The following SLCO5A1 variants were observed in gnomAD, a reference collection of about 807,000 sequenced individuals.
SLCO5A1 encodes organic anion transporter polypeptide-related protein 4.
Under a neutral mutation model 65.1 loss-of-function variants are expected in SLCO5A1, and 39 were observed. The ratio of observed to expected loss-of-function variants is 0.60; its 90% confidence interval spans 0.46 to 0.78. The LOEUF (loss-of-function observed/expected upper bound fraction) is 0.78, where lower values mean the gene tolerates loss of function less well. SLCO5A1 is among the 30% of genes least tolerant of loss of function. The pLI, the probability that SLCO5A1 is intolerant of heterozygous loss-of-function variation, is 0.00. For missense variants in SLCO5A1, 1,029 were observed against 1,069.4 expected (o/e 0.96, Z 0.53); for synonymous variants, 438 against 415.7 (o/e 1.05, Z -0.65).
rs112198401 is a variant in SLCO5A1, at chr8:69,682,116, G to T, written c.1782+68C>A. The T allele has an allele frequency of 1.2e-3, 1,768 of 1,505,730 alleles. 29 individuals carry two copies. The African/African-American group carries it at 0.021, about 18-fold the overall frequency. 93.3% of individuals were successfully genotyped at this position (1,505,730 alleles called of 1,614,324 possible). On this transcript the variant is annotated intron_variant, in intron 7 of 9. Coordinates refer to ENST00000260126, the MANE Select transcript of SLCO5A1 (RefSeq NM_030958.3). ...AGACTGAAGTCATTGTAGCTGCATA[G>T]GAATTTCATCACATCCTTGTCACAG... is the stretch of plus-strand genomic sequence containing the variant.
At chr8:69,764,944 C>T (rs931932234) in intron 2 of SLCO5A1, among the ~76,000 whole-genome samples, 1 of 152,176 alleles carries the variant, frequency 6.6e-6, no homozygotes, top group Non-Finnish European at 1.5e-5. Context: ...AGGATGTGTA[C>T]AGGCCAGACA....
intron 2 of SLCO5A1, among the ~76,000 whole-genome samples, chr8:69,830,866 G>A (rs1473329069): frequency 6.6e-6 from 1 of 152,160 alleles, no homozygotes; most frequent in Non-Finnish European, 1.5e-5. Context: ...ACAATTGAGG[G>A]TTTTTGACAG....
chr8:69,673,089 G>C lies in SLCO5A1; in HGVS notation c.2327C>G (p.Pro776Arg), dbSNP rs201712813. Residue 776 changes from proline to arginine, a missense_variant, in exon 10 of 10, where the codon CCC (proline) becomes CGC (arginine). Transcript: ENST00000260126. ...GLQRRRQREF[P>R]LSTVSERVGH... The stretch of plus-strand genomic sequence containing the variant: ...CACTCTCTCACTCACGGTGCTCAGG[G>C]GAAATTCTCTCTGCCTCCGCCTCTG... 9.3e-6 allele frequency: 15 copies of C among 1,614,220 alleles called. No individual in the cohort carries two copies. Among genetic ancestry groups the C allele is most frequent in the Non-Finnish European group, 1.3e-5 (15 of 1,180,038 alleles).
intron 2 of SLCO5A1, among the ~76,000 whole-genome samples, chr8:69,792,176 C>T (rs946501748): frequency 6.6e-6 from 1 of 152,030 alleles, no homozygotes; most frequent in Non-Finnish European, 1.5e-5. Flanking sequence ...TAGATTAATA[C>T]CATTTCAACA....
At chr8:69,804,668 T>G (rs1819914061) in intron 2 of SLCO5A1, among the ~76,000 whole-genome samples, 1 of 152,116 alleles carries the variant, frequency 6.6e-6, no homozygotes, top group Non-Finnish European at 1.5e-5. Context: ...TATTAGTATT[T>G]TTGTATGCCT....
intron 2 of SLCO5A1, among the ~76,000 whole-genome samples, chr8:69,802,846 A>G (rs1819810009): frequency 6.6e-6 from 1 of 152,208 alleles, no homozygotes; most frequent in South Asian, 2.1e-4. Flanking sequence ...GACAAACATT[A>G]CATGATATAT....
At chr8:69,833,459 T>G (rs1821272123) in intron 1 of SLCO5A1, 1 of 152,284 alleles carries the variant, frequency 6.6e-6, no homozygotes, top group South Asian at 2.1e-4. Context: ...TGTTAATAAT[T>G]ATCAACCTGG....
At chr8:69,778,232 T>G (rs924472596) in intron 2 of SLCO5A1, among the ~76,000 whole-genome samples, 2 of 137,696 alleles carry the variant, frequency 1.5e-5, no homozygotes, top group East Asian at 2.0e-4. Context: ...GTATGGGGTG[T>G]GTGTGTGTGT....
intron 6 of SLCO5A1, among the ~76,000 whole-genome samples, chr8:69,685,207 T>C (rs1037670493): frequency 2.6e-5 from 4 of 152,258 alleles, no homozygotes; most frequent in African/African-American, 9.6e-5. Flanking sequence ...TGGTTCATCC[T>C]TTACACTGTG....
Position 69,705,023 on chromosome 8 carries a change from G to A in SLCO5A1, c.1622+8C>T, listed in dbSNP as rs752509351. 3.7e-6 allele frequency: 6 copies of A among 1,608,402 alleles called. No homozygotes were observed. The highest frequency in any genetic ancestry group is 5.1e-6 in the Non-Finnish European group (6 of 1,179,274). On this transcript the variant is annotated splice_region_variant and intron_variant, in intron 6 of 9. Transcript: ENST00000260126. ...GCAGACACGACACGGCTCTTAAGAG[G>A]TACTTACCCTGTTGTATAAGGGATG... is the stretch of plus-strand genomic sequence containing the variant.
At chr8:69,785,423 C>A (rs1028224461) in intron 2 of SLCO5A1, among the ~76,000 whole-genome samples, 1 of 152,094 alleles carries the variant, frequency 6.6e-6, no homozygotes, top group Non-Finnish European at 1.5e-5. Flanking sequence ...TAATTATTGA[C>A]ATAAGTTATT....
At chr8:69,739,621 A>G (rs1816712037) in intron 4 of SLCO5A1, among the ~76,000 whole-genome samples, 2 of 152,184 alleles carry the variant, frequency 1.3e-5, no homozygotes, top group Admixed American at 6.5e-5. Flanking sequence ...TGAAACTTAG[A>G]AAGTTAAGAC....
rs199835459 is a variant in SLCO5A1, at chr8:69,827,314, GA to G, written c.907+4452del. On this transcript the variant is annotated intron_variant, in intron 2 of 9. Transcript: ENST00000260126. ...AAGTATAATAATATTTAAAAAAAGA[GA>G]AAAAAAAATTATAGTCTAGTTGCTA... 9.9e-3 allele frequency among the ~76,000 whole-genome samples: 1,502 copies of G among 151,186 alleles called. 21 individuals are homozygous for G. Among genetic ancestry groups the G allele is most frequent in the African/African-American group, 0.033 (1,369 of 41,232 alleles).
At chr8:69,762,556 C>G (rs1228336258) in intron 2 of SLCO5A1, among the ~76,000 whole-genome samples, 1 of 151,866 alleles carries the variant, frequency 6.6e-6, no homozygotes, top group Non-Finnish European at 1.5e-5. Context: ...AATAGAGACC[C>G]AGGCTAGTTA....
chr8:69,787,483 C>G (rs1819081811), intron 2 of SLCO5A1, among the ~76,000 whole-genome samples: 1 of 152,098 alleles, frequency 6.6e-6, no homozygotes, highest in African/African-American at 2.4e-5. Flanking sequence ...CAGCCTAAAC[C>G]CTTAAAGCTG....
In SLCO5A1 at chr8:69,670,610, G is replaced by A. The variant is rs531712503; in HGVS notation, c.*2259C>T. The A allele has an allele frequency of 2.0e-5, 3 of 152,234 alleles. No individual in the cohort carries two copies. Among genetic ancestry groups the A allele is most frequent in the Admixed American group, 6.5e-5 (1 of 15,296 alleles). The allele number at this position is 152,234 out of a possible 1,614,324, so 9.4% of individuals were successfully genotyped here. A position where few individuals can be genotyped will look rare whatever the true frequency, so the allele number is the denominator to read the frequency against. ...ATCATCCCAAAGGATTTTATGGAGT[G>A]GCAGATGGTAATCAGGTAATATGAC... On this transcript the variant is annotated 3_prime_UTR_variant, in exon 10 of 10. Transcript: ENST00000260126.
intron 2 of SLCO5A1, among the ~76,000 whole-genome samples, chr8:69,801,479 T>A (rs1819734810): frequency 2.0e-5 from 3 of 152,238 alleles, no homozygotes; most frequent in Non-Finnish European, 4.4e-5. Context: ...AACTATGAAT[T>A]TCATAAAAAT....
chr8:69,784,853 A>AAGAAAGAAAGAAAG (rs1248173111), intron 2 of SLCO5A1, among the ~76,000 whole-genome samples: 1 of 141,924 alleles, frequency 7.0e-6, no homozygotes, highest in East Asian at 2.3e-4. Context: ...GAAAGAAAGA[A>AAGAAAGAAAGAAAG]AGAAAGAAAG....
chr8:69,755,685 TGTGA>T (rs754208975), intron 3 of SLCO5A1, 44 bp from the exon 4 acceptor site: 5 of 1,527,884 alleles, frequency 3.3e-6, no homozygotes, highest in Admixed American at 2.1e-5. Flanking sequence ...TCTTTTCTTT[TGTGA>T]GTGAGAACAA....
Sources: allele counts gnomAD v4.1 joint callset (sites outside exome capture counted in the v4.1 genomes callset), GRCh38; gene constraint gnomAD v4.1.1; transcripts MANE v1.5; gene names NCBI Gene and HGNC (gene_info 2026-07-23, HGNC 2026-07-21).